The following CRPPA variants were observed in gnomAD, a reference collection of about 807,000 sequenced individuals.
CRPPA encodes the protein CDP-L-ribitol pyrophosphorylase A, also known as D-ribitol-5-phosphate cytidylyltransferase.
A neutral mutation model predicts 52.0 loss-of-function variants in CRPPA; 43 were observed. The observed-to-expected ratio is 0.83, with a 90% CI of 0.65 to 1.07. The LOEUF (loss-of-function observed/expected upper bound fraction) is 1.07. Among genes scored for constraint, CRPPA ranks in the 50% least tolerant of loss-of-function variants. CRPPA has a pLI of 0.00. For missense variants in CRPPA, 629 were observed against 551.7 expected (o/e 1.14, Z -1.40); for synonymous variants, 250 against 203.5 (o/e 1.23, Z -1.94).
At chr7:16,192,924 C>A (rs1230333342) in intron 9 of CRPPA, among the ~76,000 whole-genome samples, 3 of 152,014 alleles carry the variant, frequency 2.0e-5, no homozygotes, top group Non-Finnish European at 4.4e-5. Flanking sequence ...ACTTATTTTT[C>A]TCACACCAAT....
At chr7:16,311,316 A>G (rs112323789) in intron 3 of CRPPA, among the ~76,000 whole-genome samples, 236 of 152,232 alleles carry the variant, frequency 1.6e-3, no homozygotes, top group African/African-American at 5.5e-3. Context: ...CGACAGTGAA[A>G]TTTATCTGTG....
At chr7:16,189,760 G>A (rs905132686) in intron 9 of CRPPA, among the ~76,000 whole-genome samples, 3 of 152,132 alleles carry the variant, frequency 2.0e-5, no homozygotes, top group African/African-American at 7.2e-5. Context: ...TAATCACAGA[G>A]GAATAGTTCT....
chr7:16,307,540 G>C (rs1784937867), intron 4 of CRPPA, among the ~76,000 whole-genome samples: 1 of 151,452 alleles, frequency 6.6e-6, no homozygotes, highest in Non-Finnish European at 1.5e-5. Flanking sequence ...AAATTAGCCG[G>C]GTGGTGGTAG....
At chr7:16,387,177 T>G (rs1787310660) in intron 2 of CRPPA, among the ~76,000 whole-genome samples, 1 of 149,278 alleles carries the variant, frequency 6.7e-6, no homozygotes, top group African/African-American at 2.5e-5. Context: ...AATTATTAGG[T>G]TGGTACAAAA....
At chr7:16,177,476 G>C (rs547929990) in intron 9 of CRPPA, among the ~76,000 whole-genome samples, 92 of 152,130 alleles carry the variant, frequency 6.0e-4, no homozygotes, top group Non-Finnish European at 1.1e-3. Context: ...AATCAGGTAG[G>C]ACTAGAGATA....
intron 9 of CRPPA, among the ~76,000 whole-genome samples, chr7:16,140,008 T>A (rs1782836880): frequency 6.6e-6 from 1 of 152,054 alleles, no homozygotes; most frequent in African/African-American, 2.4e-5. Flanking sequence ...CCACCATTAA[T>A]ATTTCTGTTA....
At chr7:16,344,198 C>T (rs934907806) in intron 3 of CRPPA, among the ~76,000 whole-genome samples, 1 of 151,956 alleles carries the variant, frequency 6.6e-6, no homozygotes, top group African/African-American at 2.4e-5. Flanking sequence ...GCAGCAGAAA[C>T]ATATTGCCAA....
chr7:16,251,003 T>C (rs981063662), intron 8 of CRPPA, among the ~76,000 whole-genome samples: 1 of 151,162 alleles, frequency 6.6e-6, no homozygotes, highest in Non-Finnish European at 1.5e-5. Flanking sequence ...AAGACATACA[T>C]ACACTCAAAA....
At chr7:16,154,769 C>A (rs1294328461) in intron 9 of CRPPA, among the ~76,000 whole-genome samples, 2 of 148,930 alleles carry the variant, frequency 1.3e-5, no homozygotes, top group Non-Finnish European at 3.0e-5. Flanking sequence ...GTGATTCAAT[C>A]TTCAAAGTTT....
intron 3 of CRPPA, among the ~76,000 whole-genome samples, chr7:16,359,000 G>A (rs1786375891): frequency 6.6e-6 from 1 of 152,122 alleles, no homozygotes; most frequent in African/African-American, 2.4e-5. Context: ...CTTGTTGAAG[G>A]GCATGTAATT....
At chr7:16,142,706 T>A (rs1045623665) in intron 9 of CRPPA, among the ~76,000 whole-genome samples, 3 of 152,164 alleles carry the variant, frequency 2.0e-5, no homozygotes, top group Non-Finnish European at 4.4e-5. Context: ...CTGTAATAAT[T>A]CTCCCCATGA....
chr7:16,108,180 A>T (rs1782194163), intron 9 of CRPPA, among the ~76,000 whole-genome samples: 1 of 151,998 alleles, frequency 6.6e-6, no homozygotes, highest in Non-Finnish European at 1.5e-5. Context: ...CTGAGACACA[A>T]AGTAACTAAA....
intron 3 of CRPPA, among the ~76,000 whole-genome samples, chr7:16,369,592 G>A (rs1192161315): frequency 1.3e-5 from 2 of 151,986 alleles, no homozygotes; most frequent in Non-Finnish European, 2.9e-5. Flanking sequence ...GTTTTAATAG[G>A]AAAGATACAC....
rs1252531335 is a variant in CRPPA, at chr7:16,298,103, A to G, written c.835+3318T>C. 5.3e-5 allele frequency among the ~76,000 whole-genome samples: 8 copies of G among 152,110 alleles called. No individual in the cohort carries two copies. In the South Asian group the frequency reaches 1.2e-3, roughly 24 times the overall value. ...CTATGCCCAGAGAGGCATTTCTACT[A>G]TCAGAGACAATTTGAATACAAGTCA... On this transcript the variant is annotated intron_variant, in intron 5 of 9. Coordinates refer to ENST00000407010, the MANE Select transcript of CRPPA (RefSeq NM_001101426.4).
At chr7:16,141,125 C>T (rs954574129) in intron 9 of CRPPA, among the ~76,000 whole-genome samples, 6 of 152,054 alleles carry the variant, frequency 3.9e-5, no homozygotes, top group Non-Finnish European at 5.9e-5. Context: ...ATCCAGGCTG[C>T]CTCCTGTTTT....
chr7:16,156,809 T>C lies in CRPPA; in HGVS notation c.1251+59257A>G, dbSNP rs143544534. Reference sequence around the variant, plus strand: ...AATCTGCTGAAAGCTGTGGATGTTGTTGTGGAAAAGTATTTGCATTAGTAG... The same window carrying C: ...AATCTGCTGAAAGCTGTGGATGTTGCTGTGGAAAAGTATTTGCATTAGTAG... On this transcript the variant is annotated intron_variant, in intron 9 of 9. Transcript: ENST00000407010. Among the ~76,000 whole-genome samples, 1,037 of 152,238 alleles carry C rather than the reference T, an allele frequency of 6.8e-3. 9 individuals carry two copies. The highest frequency in any genetic ancestry group is 0.017 in the Middle Eastern group (5 of 294).
chr7:16,181,026 G>A (rs1781402989), intron 9 of CRPPA, among the ~76,000 whole-genome samples: 1 of 151,662 alleles, frequency 6.6e-6, no homozygotes. Flanking sequence ...TGTAATTTTA[G>A]GTACAATGTT....
At chr7:16,238,997 G>C (rs1295170) in intron 8 of CRPPA, among the ~76,000 whole-genome samples, 1 of 151,500 alleles carries the variant, frequency 6.6e-6, no homozygotes, top group African/African-American at 2.4e-5. Flanking sequence ...AAATTAGCCA[G>C]GTGTGGTGGC....
At position 16,348,674 on chromosome 7, in the gene CRPPA, T is replaced by C. The variant is rs1186228157; in HGVS notation, c.684+27418A>G. Among the ~76,000 whole-genome samples, 3 of 152,196 alleles carry C rather than the reference T, an allele frequency of 2.0e-5. No individual in the cohort carries two copies. The South Asian group carries it at 6.2e-4, about 31-fold the overall frequency. On this transcript the variant is annotated intron_variant, in intron 3 of 9. Coordinates refer to ENST00000407010, the MANE Select transcript of CRPPA (RefSeq NM_001101426.4). ...TGGTTGCTGCACACTCTTTCATTGGTTAATTAGTGGTCTGGCTTCTAGTCC... is the reference window on the plus strand; with the variant it reads ...TGGTTGCTGCACACTCTTTCATTGGCTAATTAGTGGTCTGGCTTCTAGTCC...
Sources: allele counts gnomAD v4.1 joint callset (sites outside exome capture counted in the v4.1 genomes callset), GRCh38; gene constraint gnomAD v4.1.1; transcripts MANE v1.5; gene names NCBI Gene and HGNC (gene_info 2026-07-23, HGNC 2026-07-21).